TSEN2: variants seen among roughly 807,000 people sequenced by gnomAD.
TSEN2 encodes the protein tRNA splicing endonuclease subunit 2, also known as tRNA-splicing endonuclease subunit Sen2.
TSEN2 carries 54 observed loss-of-function variants against 59.2 expected under a neutral mutation model. The ratio of observed to expected loss-of-function variants is 0.91; its 90% CI spans 0.73 to 1.14. The LOEUF (loss-of-function observed/expected upper bound fraction) is 1.14, where lower values mean the gene tolerates loss of function less well. Among genes scored for constraint, TSEN2 ranks in the 50% most tolerant of loss-of-function variants. The pLI is 0.00. For synonymous variants in TSEN2, 195 were observed against 198.2 expected (o/e 0.98, Z 0.14); for missense variants, 636 against 576.2 (o/e 1.10, Z -1.06).
rs568846813 is a variant in TSEN2 at position 12,499,954 on chromosome 3, TACA to T, written c.309-3303_309-3301del. Among the ~76,000 whole-genome samples, 32 of 152,316 alleles carry T rather than the reference TACA, an allele frequency of 2.1e-4. No individual in the cohort carries two copies. In the South Asian group the frequency reaches 6.6e-3, roughly 32 times the overall value. ...CCAGTGATAAAGGGGCATTCATCAGTACAACAATAGGGAACGGTGCCCTGTGCA... is the reference window on the plus strand; with the variant it reads ...CCAGTGATAAAGGGGCATTCATCAGTACAATAGGGAACGGTGCCCTGTGCA... On this transcript the variant is annotated intron_variant, in intron 4 of 11. Coordinates refer to ENST00000284995, the MANE Select transcript of TSEN2 (RefSeq NM_025265.4).
Position 12,505,784 on chromosome 3 carries a change from A to C in TSEN2, c.909+553A>C, listed in dbSNP as rs1046970828. ...GGGTGACAGAATGAAACTCTGTCTCAAAAAAAAAAAAAAAAAAAAAGGCTT... is the reference window on the plus strand; with the variant it reads ...GGGTGACAGAATGAAACTCTGTCTCCAAAAAAAAAAAAAAAAAAAAGGCTT... On this transcript the variant is annotated intron_variant, in intron 6 of 11. Transcript: ENST00000284995. 2.0e-4 allele frequency among the ~76,000 whole-genome samples: 7 copies of C among 34,578 alleles called. No individual in the cohort carries two copies. In the African/African-American group the frequency reaches 2.1e-3, roughly 10 times the overall value. The allele number at this position is 34,578 out of a possible 152,430, so 22.7% of individuals were successfully genotyped here. A position where few individuals can be genotyped will look rare whatever the true frequency, so the allele number is the denominator to read the frequency against.
In TSEN2 at chr3:12,532,781, G is replaced by A. The variant is rs2057546791; in HGVS notation, c.*60G>A. On this transcript the variant is annotated 3_prime_UTR_variant, in exon 12 of 12. Coordinates refer to ENST00000284995, the MANE Select transcript of TSEN2 (RefSeq NM_025265.4). ...CTATTTATTGAGGGCTAGGTAAAAA[G>A]TTCTTTTTGTTGTAATCGTCCATTA... The A allele has an allele frequency of 6.5e-7, 1 of 1,540,098 alleles. No homozygotes were observed. The highest frequency in any genetic ancestry group is 1.4e-5 in the African/African-American group (1 of 73,418).
intron 6 of TSEN2, chr3:12,506,578 CAAAA>C (rs537179433): frequency 5.6e-4 from 199 of 355,202 alleles, no homozygotes; most frequent in South Asian, 1.1e-3. Context: ...GATCCTGTTT[CAAAA>C]AAAAAAAAAA....
rs299643 is a variant in TSEN2, at chr3:12,533,013, G to T, written c.*292G>T. 0.45 allele frequency: 225,865 copies of T among 507,360 alleles called. 54,584 individuals carry two copies. Among genetic ancestry groups the T allele is most frequent in the African/African-American group, 0.7 (36,422 of 51,994 alleles). 31.4% of individuals were successfully genotyped at this position (507,360 alleles called of 1,614,324 possible). On this transcript the variant is annotated 3_prime_UTR_variant, in exon 12 of 12. Transcript: ENST00000284995. The stretch of plus-strand genomic sequence containing the variant: ...CACTCACTGGGGAGATTGGACTAGA[G>T]GAGTCCTGAGAGGACACTTCCAACA...
intron 6 of TSEN2, among the ~76,000 whole-genome samples, chr3:12,515,895 T>C (rs941933061): frequency 6.6e-6 from 1 of 152,122 alleles, no homozygotes; most frequent in Non-Finnish European, 1.5e-5. Flanking sequence ...TGATATATTT[T>C]TCTCAATTTA....
intron 9 of TSEN2, among the ~76,000 whole-genome samples, chr3:12,529,463 C>A (rs1393335552): frequency 1.0e-5 from 1 of 98,450 alleles, no homozygotes; most frequent in Non-Finnish European, 2.0e-5. Flanking sequence ...GAGACTCCGT[C>A]TCAAAAAAAA....
intron 3 of TSEN2, among the ~76,000 whole-genome samples, chr3:12,494,016 A>G (rs1343786708): frequency 6.6e-6 from 1 of 152,210 alleles, no homozygotes; most frequent in African/African-American, 2.4e-5. Context: ...GTGTAAAGTA[A>G]GGGTCCAGCT....
chr3:12,487,321 C>CA (rs2052719782), intron 1 of TSEN2, among the ~76,000 whole-genome samples: 1 of 152,232 alleles, frequency 6.6e-6, no homozygotes, highest in African/African-American at 2.4e-5. Flanking sequence ...CCATCCCACA[C>CA]ACCTGGGTTG....
At chr3:12,529,021 T>C (rs756804518) in intron 9 of TSEN2, 97 bp downstream of exon 9, 43 of 1,242,368 alleles carry the variant, frequency 3.5e-5, no homozygotes, top group Non-Finnish European at 4.6e-5. Flanking sequence ...ACAAAAGTCA[T>C]GTTCTTCCTG....
intron 3 of TSEN2, among the ~76,000 whole-genome samples, chr3:12,492,488 G>A (rs1018464786): frequency 3.3e-5 from 5 of 152,158 alleles, no homozygotes; most frequent in Admixed American, 3.3e-4. Context: ...GGCAGGTACT[G>A]GTAGTTAAGT....
chr3:12,493,716 G>A (rs2053461981), intron 3 of TSEN2, among the ~76,000 whole-genome samples: 3 of 151,820 alleles, frequency 2.0e-5, no homozygotes, highest in African/African-American at 7.3e-5. Context: ...GACAGAGCAA[G>A]ACTCCGTTTC....
chr3:12,494,819 T>C (rs1230785763), intron 3 of TSEN2, among the ~76,000 whole-genome samples: 1 of 151,992 alleles, frequency 6.6e-6, no homozygotes, highest in Non-Finnish European at 1.5e-5. Context: ...CATATAAATG[T>C]ATTACATAAT....
chr3:12,531,497 AT>A, intron 10 of TSEN2, 72 bp from the exon 11 acceptor site: 1 of 969,908 alleles, frequency 1.0e-6, no homozygotes. Context: ...GACCACCTGC[AT>A]TTCCTGCTGA....
At position 12,489,855 on chromosome 3, in the gene TSEN2, T is replaced by TA. The variant is rs760641997; in HGVS notation, c.56dup (p.Tyr19Ter). 6.2e-7 allele frequency: 1 copy of TA among 1,614,008 alleles called. No homozygotes were observed. The highest frequency in any genetic ancestry group is 8.5e-7 in the Non-Finnish European group (1 of 1,179,980). The change falls in exon 2 of 12, where the codon TAC becomes TAAC. Residue 19 changes from tyrosine (Y) to a stop codon, truncating the protein, a stop_gained and frameshift_variant. Transcript: ENST00000284995. LOFTEE classifies it high-confidence loss of function. ...GAGGAAAAGAAGAGTGTATGAGACT[T>TA]ACGAGTCTCCATTGCCAATCCCTTT... ...PKRKRRVYETYESPLPIPFGQ... is the reference protein window; with the variant it reads ...PKRKRRVYET
chr3:12,530,396 A>G lies in TSEN2; in HGVS notation c.1248+523A>G, dbSNP rs560505163. 83 of 985,938 alleles carry G rather than the reference A, an allele frequency of 8.4e-5. No homozygotes were observed. In the African/African-American group the frequency reaches 1.4e-3, roughly 17 times the overall value. 61.1% of individuals were successfully genotyped at this position (985,938 alleles called of 1,614,324 possible). ...ATCCAAGATCACACAGCTCATGTGC[A>G]TACTCGGGATCCAAACCCACAGCTC... On this transcript the variant is annotated intron_variant, in intron 10 of 11. Coordinates refer to ENST00000284995, the MANE Select transcript of TSEN2 (RefSeq NM_025265.4).
intron 7 of TSEN2, 152 bp from the exon 8 acceptor site, chr3:12,518,907 T>G (rs1443368729): frequency 2.6e-6 from 2 of 777,068 alleles, no homozygotes; most frequent in Non-Finnish European, 4.1e-6. Flanking sequence ...AGACTCTGTC[T>G]CAAAAATAAA....
In TSEN2 at chr3:12,485,047, G is replaced by A. The variant is rs1008721943; in HGVS notation, c.-18+167G>A. On this transcript the variant is annotated intron_variant, in intron 1 of 11. Coordinates refer to ENST00000284995, the MANE Select transcript of TSEN2 (RefSeq NM_025265.4). ...TCCTGACAACAACTTTCAAAGGCTG[G>A]TCATCTGTTTATATGGCTTATTCTC... Among the ~76,000 whole-genome samples, 6 of 152,320 alleles carry A rather than the reference G, an allele frequency of 3.9e-5. No individual in the cohort carries two copies. In the South Asian group the frequency reaches 1.2e-3, roughly 32 times the overall value.
intron 6 of TSEN2, among the ~76,000 whole-genome samples, chr3:12,508,343 C>T (rs796255688): frequency 6.6e-6 from 1 of 152,340 alleles, no homozygotes; most frequent in African/African-American, 2.4e-5. Flanking sequence ...CACCTGAGAA[C>T]ATTTCAGAGA....
chr3:12,508,328 C>A (rs1036149110), intron 6 of TSEN2, among the ~76,000 whole-genome samples: 1 of 152,186 alleles, frequency 6.6e-6, no homozygotes, highest in African/African-American at 2.4e-5. Flanking sequence ...TTAGAAGCTG[C>A]CTGGCACCTG....
Sources: allele counts gnomAD v4.1 joint callset (sites outside exome capture counted in the v4.1 genomes callset), GRCh38; gene constraint gnomAD v4.1.1; transcripts MANE v1.5; gene names NCBI Gene and HGNC (gene_info 2026-07-23, HGNC 2026-07-21).